DPF1: variants seen among roughly 807,000 people sequenced by gnomAD.
The protein encoded by DPF1 is double PHD fingers 1.
In DPF1, 14 loss-of-function variants were observed where a neutral mutation model predicts 58.7. The observed-to-expected ratio is 0.24, with a 90% CI of 0.16 to 0.37. The LOEUF is 0.37. DPF1 is among the 10% of genes least tolerant of loss of function. The pLI is 1.00. For synonymous variants in DPF1, 216 were observed against 216.0 expected, an observed-to-expected ratio of 1.00 and a Z score of 0.00; for missense variants, 345 against 529.9, an observed-to-expected ratio of 0.65 and a Z score of 3.43.
At chr19:38,225,034 T>C (rs1319133650), upstream of DPF1, among the ~76,000 whole-genome samples, 1 of 152,186 alleles carries the variant, frequency 6.6e-6, no homozygotes, top group African/African-American at 2.4e-5. Context: ...GTGGATCACC[T>C]GAGGATGGGA....
chr19:38,224,367 G>C, upstream of DPF1: 1 of 1,111,338 alleles, frequency 9.0e-7, no homozygotes, highest in Non-Finnish European at 1.1e-6. The surrounding 1 kb of genome is among the most constrained non-coding windows in gnomAD (Gnocchi z 4.5). Flanking sequence ...CGGAGGAGGG[G>C]CCCGGGGCAC....
At chr19:38,223,979 C>G in intron 1 of DPF1, 135 bp downstream of exon 1, 2 of 1,203,644 alleles carry the variant, frequency 1.7e-6, no homozygotes, top group Non-Finnish European at 2.1e-6. Flanking sequence ...CACACACTCT[C>G]GCACCCCCGC....
chr19:38,219,946 G>GA (rs1245029773), intron 3 of DPF1: 2 of 151,992 alleles, frequency 1.3e-5, no homozygotes, highest in East Asian at 3.9e-4. Context: ...TTAGGAGGCT[G>GA]AGGCGGGTGG....
chr19:38,219,492 CT>C (rs3837970), intron 3 of DPF1: 28,856 of 154,464 alleles, frequency 0.19, 2,755 homozygotes, highest in African/African-American at 0.23. Flanking sequence ...TGTCTTTTTT[CT>C]TTTTTTTTTG....
At chr19:38,214,798 C>G (rs1166104791) in intron 9 of DPF1, among the ~76,000 whole-genome samples, 1 of 150,302 alleles carries the variant, frequency 6.7e-6, no homozygotes, top group Admixed American at 6.6e-5. Flanking sequence ...TCCCGAGTAG[C>G]TGGGACTAAT....
chr19:38,212,136 GC>G lies in DPF1; in HGVS notation c.1094-4del, dbSNP rs1568620147. On this transcript the variant is annotated splice_polypyrimidine_tract_variant and splice_region_variant and intron_variant, in intron 11 of 11. Coordinates refer to ENST00000355526, the MANE Select transcript of DPF1 (RefSeq NM_001135155.3). The stretch of plus-strand genomic sequence containing the variant: ...ACAGAGGTGACAGCTCCAGCTCCCT[GC>G]GGGGGCAGCCGAAGCTGAAGTCAGG... 1 of 1,607,894 alleles carries G rather than the reference GC, an allele frequency of 6.2e-7. No homozygotes were observed. Among genetic ancestry groups the G allele is most frequent in the South Asian group, 1.1e-5 (1 of 90,060 alleles).
chr19:38,222,559 T>G lies in DPF1; in HGVS notation c.179A>C (p.His60Pro). 6.2e-7 allele frequency: 1 copy of G among 1,608,246 alleles called. No individual in the cohort carries two copies. Among genetic ancestry groups the G allele is most frequent in the Non-Finnish European group, 8.5e-7 (1 of 1,177,796 alleles). Reference protein sequence around the residue: ...NNCYIWMEKTHRGPGLAPGQI... With the variant: ...NNCYIWMEKTPRGPGLAPGQI... ...CCTCCCGGCGGTACCCGGCCCGCGG[T>G]GGGTCTTCTCCATCCAGATGTAGCA... is the stretch of plus-strand genomic sequence containing the variant. The change falls in exon 2 of 12, where the codon CAC becomes CCC. Residue 60 changes from histidine (H) to proline (P), a missense_variant. By Grantham distance (77) the His-to-Pro change is moderately conservative (BLOSUM62 -2). Transcript: ENST00000355526. The surrounding 1 kb of genome is among the most constrained non-coding windows in gnomAD (Gnocchi z 4.9).
Position 38,216,084 on chromosome 19 carries a change from C to T in DPF1, c.898+56G>A. The T allele has an allele frequency of 2.6e-6, 4 of 1,561,710 alleles. No individual in the cohort carries two copies. The South Asian group carries it at 3.6e-5, about 14-fold the overall frequency. The stretch of plus-strand genomic sequence containing the variant: ...CCTTGCCTCCCTCCCTCCAGGTCTG[C>T]ACTCCTGAATGTCCTCTGCACCCGG... On this transcript the variant is annotated intron_variant, in intron 9 of 11. Coordinates refer to ENST00000355526, the MANE Select transcript of DPF1 (RefSeq NM_001135155.3).
chr19:38,212,375 C>T lies in DPF1; in HGVS notation c.1012-14G>A. 6.9e-7 allele frequency: 1 copy of T among 1,442,332 alleles called. No homozygotes were observed. The highest frequency in any genetic ancestry group is 9.1e-7 in the Non-Finnish European group (1 of 1,096,692). The allele number at this position is 1,442,332 out of a possible 1,614,324, so 89.3% of individuals were successfully genotyped here. On this transcript the variant is annotated splice_polypyrimidine_tract_variant and intron_variant, in intron 10 of 11. Transcript: ENST00000355526. ...CAGCAGCTGGTCCTGGGGGGTGAGA[C>T]CCGCCCAGCTGGCACCCTGGGGGCA...
At position 38,229,517 on chromosome 19, in the gene DPF1, G is replaced by T. The variant is rs1219660534; in HGVS notation, c.-132+42C>A. 3.6e-6 allele frequency: 4 copies of T among 1,105,056 alleles called. No homozygotes were observed. Among genetic ancestry groups the T allele is most frequent in the East Asian group, 7.9e-5 (2 of 25,366 alleles). 68.5% of individuals were successfully genotyped at this position (1,105,056 alleles called of 1,614,324 possible). A position where few individuals can be genotyped will look rare whatever the true frequency, so the allele number is the denominator to read the frequency against. On this transcript the variant is annotated intron_variant, in intron 1 of 11. Transcript: ENST00000412732. The surrounding 1 kb of genome is among the most constrained non-coding windows in gnomAD (Gnocchi z 5.3). ...GGCGGGCGGGGGAAGGGCTCCTGGT[G>T]GGGGGGTCTGGACAGGGGGCGGGGA...
At chr19:38,217,929 C>G in intron 5 of DPF1, 53 bp from the exon 6 acceptor site, 1 of 1,586,052 alleles carries the variant, frequency 6.3e-7, no homozygotes, top group Non-Finnish European at 8.6e-7. Context: ...ACAGGCCAGG[C>G]GTGGTGGCTC....
intron 7 of DPF1, 61 bp downstream of exon 7, chr19:38,217,399 C>T: frequency 1.6e-6 from 2 of 1,233,484 alleles, no homozygotes; most frequent in South Asian, 1.5e-5. Context: ...CCACCCCCAG[C>T]TGGGCTCCTC....
intron 7 of DPF1, chr19:38,216,617 AG>A: frequency 2.0e-6 from 1 of 494,268 alleles, no homozygotes; most frequent in South Asian, 5.7e-5. Context: ...AAATAAAGGC[AG>A]GGTCTTGGTA....
At chr19:38,221,444 A>G (rs138009342) in intron 3 of DPF1, among the ~76,000 whole-genome samples, 1 of 151,790 alleles carries the variant, frequency 6.6e-6, no homozygotes, top group Non-Finnish European at 1.5e-5. Context: ...GGAGGCTGAG[A>G]CAGGAGAATC....
chr19:38,220,296 G>GAGAAAGAAAGAGAAAGAA (rs60960497), intron 3 of DPF1, among the ~76,000 whole-genome samples: 6 of 151,024 alleles, frequency 4.0e-5, no homozygotes, highest in Admixed American at 3.3e-4. Context: ...AAGAGAGAGA[G>GAGAAAGAAAGAGAAAGAA]AGAAAGAAAG....
chr19:38,223,958 A>G, intron 1 of DPF1, 156 bp downstream of exon 1: 3 of 1,007,764 alleles, frequency 3.0e-6, no homozygotes, highest in Non-Finnish European at 3.9e-6. Context: ...TTCTTGTCAG[A>G]GACCCACAGT....
At chr19:38,220,296 GAGAAAGAAAGAGAAAGAA>G (rs60960497) in intron 3 of DPF1, among the ~76,000 whole-genome samples, 28,654 of 150,916 alleles carry the variant, frequency 0.19, 2,832 homozygotes, top group African/African-American at 0.23. Flanking sequence ...AAGAGAGAGA[GAGAAAGAAAGAGAAAGAA>G]AGAAAGAAAG....
chr19:38,220,713 A>T (rs946015226), intron 3 of DPF1, among the ~76,000 whole-genome samples: 2 of 152,178 alleles, frequency 1.3e-5, no homozygotes, highest in African/African-American at 4.8e-5. Flanking sequence ...CAGCCAGATG[A>T]GATGCTTGGA....
At chr19:38,216,763 G>A (rs1967052371) in intron 7 of DPF1, among the ~76,000 whole-genome samples, 1 of 152,102 alleles carries the variant, frequency 6.6e-6, no homozygotes, top group South Asian at 2.1e-4. Flanking sequence ...CAACTGACAT[G>A]TCCTCTTTAT....
Sources: gnomAD v4.1 joint callset for allele counts (sites outside exome capture counted in the v4.1 genomes callset) on GRCh38, gnomAD v4.1.1 for gene constraint, Gnocchi (gnomAD v3.1) non-coding constraint, MANE v1.5 for transcripts, NCBI Gene and HGNC (gene_info 2026-07-23, HGNC 2026-07-21) for gene names.